DGKB: variants seen among roughly 807,000 people sequenced by gnomAD.
DGKB encodes the protein diacylglycerol kinase beta.
A neutral mutation model predicts 114.3 loss-of-function variants in DGKB; 67 were observed. That is an observed-to-expected ratio of 0.59 (90% CI 0.48 to 0.72). DGKB has a LOEUF of 0.72. Among genes scored for constraint, DGKB ranks in the 30% least tolerant of loss-of-function variants. The probability of loss-of-function intolerance (pLI) is 0.00; values close to 1 mark genes in which losing one functional copy is unlikely to be tolerated. For missense variants in DGKB, 907 were observed against 975.2 expected, an observed-to-expected ratio of 0.93 and a Z score of 0.93; for synonymous variants, 398 against 323.1, an observed-to-expected ratio of 1.23 and a Z score of -2.49.
chr7:14,910,480 T>A (rs1490194186), intron 1 of DGKB, among the ~76,000 whole-genome samples: 2 of 152,148 alleles, frequency 1.3e-5, no homozygotes, highest in African/African-American at 4.8e-5. Flanking sequence ...GGTTTTCTTT[T>A]TTTGGCTACC....
At chr7:14,945,918 A>T (rs1296983431) in intron 1 of DGKB, among the ~76,000 whole-genome samples, 2 of 151,658 alleles carry the variant, frequency 1.3e-5, no homozygotes, top group African/African-American at 4.8e-5. Context: ...AGTTTTCTAC[A>T]TCTATAATCT....
intron 2 of DGKB, among the ~76,000 whole-genome samples, chr7:14,814,844 C>T (rs144234242): frequency 6.6e-6 from 1 of 152,236 alleles, no homozygotes; most frequent in African/African-American, 2.4e-5. Flanking sequence ...CCCTTTTGAT[C>T]AACAGAATTA....
At chr7:14,465,652 G>C (rs1833722976) in intron 21 of DGKB, among the ~76,000 whole-genome samples, 1 of 152,136 alleles carries the variant, frequency 6.6e-6, no homozygotes. Flanking sequence ...GAAAATTGGG[G>C]CATGGAGAGA....
intron 13 of DGKB, among the ~76,000 whole-genome samples, chr7:14,656,394 G>GT (rs200961109): frequency 0.052 from 7,805 of 149,508 alleles, 300 homozygotes; most frequent in African/African-American, 0.11. Context: ...TTAAATTTTG[G>GT]TTTTTTTTTC....
intron 21 of DGKB, among the ~76,000 whole-genome samples, chr7:14,477,651 T>C (rs984766728): frequency 6.6e-6 from 1 of 152,190 alleles, no homozygotes; most frequent in Non-Finnish European, 1.5e-5. Context: ...AGAAATTTTG[T>C]TCGTCAAGTC....
At chr7:14,540,024 G>A (rs1379627554) in intron 20 of DGKB, among the ~76,000 whole-genome samples, 1 of 151,694 alleles carries the variant, frequency 6.6e-6, no homozygotes, top group Admixed American at 6.6e-5. Context: ...CTCATTTGTG[G>A]ACTTATCACA....
chr7:14,342,034 C>A (rs765944981), intron 22 of DGKB, among the ~76,000 whole-genome samples: 25 of 151,932 alleles, frequency 1.6e-4, no homozygotes, highest in African/African-American at 5.8e-4. Flanking sequence ...GGGGCAGAGA[C>A]TATGCTTGGG....
intron 23 of DGKB, 43 bp from the exon 24 acceptor site, chr7:14,178,194 T>C (rs2128246105): frequency 6.3e-7 from 1 of 1,597,796 alleles, no homozygotes; most frequent in East Asian, 2.3e-5. Flanking sequence ...TGTGTATACA[T>C]ATGTCCACAA....
At chr7:14,190,656 GCTAA>G (rs1784157964) in intron 23 of DGKB, 1 of 151,686 alleles carries the variant, frequency 6.6e-6, no homozygotes, top group African/African-American at 2.4e-5. Flanking sequence ...CACAAGCTAG[GCTAA>G]CTAAAAAAAA....
chr7:14,712,053 G>A (rs538552534), intron 6 of DGKB, among the ~76,000 whole-genome samples: 1 of 152,130 alleles, frequency 6.6e-6, no homozygotes, highest in South Asian at 2.1e-4. Context: ...TAACTAAAAG[G>A]AAAGTTTCAA....
chr7:14,374,200 A>T (rs1056572195), intron 21 of DGKB, among the ~76,000 whole-genome samples: 2 of 152,138 alleles, frequency 1.3e-5, no homozygotes, highest in Non-Finnish European at 2.9e-5. Context: ...CTCATACTTG[A>T]TGACCTACAA....
chr7:14,396,476 C>T (rs1822236383), intron 21 of DGKB, among the ~76,000 whole-genome samples: 1 of 152,004 alleles, frequency 6.6e-6, no homozygotes, highest in Non-Finnish European at 1.5e-5. Flanking sequence ...TTTGTTAGAC[C>T]TTACATACTG....
intron 1 of DGKB, among the ~76,000 whole-genome samples, chr7:14,936,299 C>A (rs1417536281): frequency 2.0e-5 from 3 of 152,032 alleles, no homozygotes; most frequent in African/African-American, 7.2e-5. Context: ...AAGAGAAACT[C>A]CTATTTCAGG....
chr7:14,288,183 G>A (rs1241492797), intron 23 of DGKB, among the ~76,000 whole-genome samples: 1 of 141,184 alleles, frequency 7.1e-6, no homozygotes, highest in Admixed American at 7.4e-5. Flanking sequence ...AACTGATCAG[G>A]CAGAATTTCA....
chr7:14,699,513 T>A (rs1043354586), intron 7 of DGKB, among the ~76,000 whole-genome samples: 1 of 152,196 alleles, frequency 6.6e-6, no homozygotes, highest in African/African-American at 2.4e-5. Context: ...AAACATGTTA[T>A]TATACAAAAG....
chr7:14,777,600 G>A (rs76977900), intron 2 of DGKB, among the ~76,000 whole-genome samples: 9,509 of 152,170 alleles, frequency 0.062, 911 homozygotes, highest in African/African-American at 0.21. Context: ...AGAAGGGCAT[G>A]TTTGCTTCTC....
intron 23 of DGKB, among the ~76,000 whole-genome samples, chr7:14,281,343 G>T (rs1042585101): frequency 7.2e-5 from 10 of 139,702 alleles, no homozygotes; most frequent in Non-Finnish European, 1.2e-4. Context: ...CAATACAGGA[G>T]CACCCAGATT....
At position 14,736,033 on chromosome 7, in the gene DGKB, A is replaced by G. The variant is rs778544578; in HGVS notation, c.322+8T>C. Reference sequence around the variant, plus strand: ...TACTATATAAATGTTTAAAGTAAGTAAACTTACCGCCTGATAGGAGAGCAG... The same window carrying G: ...TACTATATAAATGTTTAAAGTAAGTGAACTTACCGCCTGATAGGAGAGCAG... On this transcript the variant is annotated splice_region_variant and intron_variant, in intron 5 of 25. Transcript: ENST00000402815. The G allele has an allele frequency of 6.4e-7, 1 of 1,556,238 alleles. No individual in the cohort carries two copies. Among genetic ancestry groups the G allele is most frequent in the Admixed American group, 2.0e-5 (1 of 51,166 alleles).
At chr7:14,625,666 T>C (rs1808442639) in intron 14 of DGKB, among the ~76,000 whole-genome samples, 1 of 152,130 alleles carries the variant, frequency 6.6e-6, no homozygotes, top group Admixed American at 6.6e-5. Flanking sequence ...AATTACATTG[T>C]TGTAATTAAG....
Sources: gnomAD v4.1 joint callset for allele counts (sites outside exome capture counted in the v4.1 genomes callset) on GRCh38, gnomAD v4.1.1 for gene constraint, MANE v1.5 for transcripts, NCBI Gene and HGNC (gene_info 2026-07-23, HGNC 2026-07-21) for gene names.